Variants in ZFAND3 observed in about 807,000 individuals in gnomAD.
The protein encoded by ZFAND3 is zinc finger AN1-type containing 3.
Under a neutral mutation model 29.6 loss-of-function variants are expected in ZFAND3, and 10 were observed. That is an observed-to-expected ratio of 0.34 (90% CI 0.21 to 0.57). ZFAND3 has a LOEUF of 0.57. ZFAND3 is among the 20% of genes least tolerant of loss of function. The pLI is 0.86. For missense variants in ZFAND3, 230 were observed against 304.5 expected (o/e 0.76, Z 1.82); for synonymous variants, 128 against 112.6 (o/e 1.14, Z -0.87).
At chr6:37,863,264 A>G (rs188166749) in intron 1 of ZFAND3, among the ~76,000 whole-genome samples, 34 of 152,386 alleles carry the variant, frequency 2.2e-4, no homozygotes, top group Admixed American at 2.2e-3. Flanking sequence ...CCCACATTCC[A>G]CATCAAGTGG....
At chr6:38,008,946 T>C (rs915545339) in intron 2 of ZFAND3, among the ~76,000 whole-genome samples, 1 of 152,226 alleles carries the variant, frequency 6.6e-6, no homozygotes, top group African/African-American at 2.4e-5. Flanking sequence ...AGGGTTTAAT[T>C]AATCCTTTGG....
intron 1 of ZFAND3, among the ~76,000 whole-genome samples, chr6:37,881,108 A>G (rs867076386): frequency 2.0e-5 from 3 of 151,564 alleles, no homozygotes; most frequent in Admixed American, 6.6e-5. Flanking sequence ...GTCTTGCTCT[A>G]TTGCCCAGGC....
intron 2 of ZFAND3, among the ~76,000 whole-genome samples, chr6:38,027,556 T>A (rs895749091): frequency 6.6e-6 from 1 of 152,224 alleles, no homozygotes; most frequent in African/African-American, 2.4e-5. Flanking sequence ...ATGAATGTAC[T>A]AAGGCTTGAA....
intron 5 of ZFAND3, 48 bp downstream of exon 5, chr6:38,116,787 T>G: frequency 6.4e-7 from 1 of 1,573,436 alleles, no homozygotes; most frequent in Non-Finnish European, 8.6e-7. Flanking sequence ...CCTTAACACC[T>G]TGGCCCAGCT....
At chr6:38,116,284 C>T (rs1207918848) in intron 4 of ZFAND3, among the ~76,000 whole-genome samples, 2 of 152,324 alleles carry the variant, frequency 1.3e-5, no homozygotes, top group East Asian at 1.9e-4. Flanking sequence ...ATGGTCTCCT[C>T]ATAGAATCTC....
At position 38,129,286 on chromosome 6, in the gene ZFAND3, A is replaced by G. The variant is rs562474068; in HGVS notation, c.529+12547A>G. Among the ~76,000 whole-genome samples the G allele has an allele frequency of 7.2e-5, 11 of 152,230 alleles. No homozygotes were observed. The South Asian group carries it at 1.9e-3, about 26-fold the overall frequency. ...CCACTCTGTGGGTTGTCTGTTTACT[A>G]TGGTGACTGTTCCTTTTGCTGTGCA... is the stretch of plus-strand genomic sequence containing the variant. On this transcript the variant is annotated intron_variant, in intron 5 of 5. Coordinates refer to ENST00000287218, the MANE Select transcript of ZFAND3 (RefSeq NM_021943.3).
intron 2 of ZFAND3, among the ~76,000 whole-genome samples, chr6:37,970,502 T>C (rs192011047): frequency 6.6e-6 from 1 of 152,322 alleles, no homozygotes; most frequent in Admixed American, 6.5e-5. Flanking sequence ...CCTGGTGTCC[T>C]AGCACTAAGG....
chr6:37,896,312 C>T (rs1013105033), intron 1 of ZFAND3, among the ~76,000 whole-genome samples: 1 of 151,882 alleles, frequency 6.6e-6, no homozygotes, highest in East Asian at 1.9e-4. Flanking sequence ...ATTGGATGCT[C>T]AAGTTTTTTT....
intron 1 of ZFAND3, among the ~76,000 whole-genome samples, chr6:37,875,471 AT>A (rs201285954): frequency 7.9e-4 from 116 of 147,428 alleles, no homozygotes; most frequent in Non-Finnish European, 9.2e-4. Context: ...AAAGTAAATG[AT>A]TTTTTTTTTT....
chr6:38,054,093 G>A (rs1295311784), intron 2 of ZFAND3, among the ~76,000 whole-genome samples: 1 of 151,530 alleles, frequency 6.6e-6, no homozygotes, highest in African/African-American at 2.4e-5. Context: ...TATTTGAAAG[G>A]ACATAGGCTG....
chr6:37,885,400 C>G (rs1353025229), intron 1 of ZFAND3, among the ~76,000 whole-genome samples: 2 of 152,180 alleles, frequency 1.3e-5, no homozygotes, highest in Non-Finnish European at 2.9e-5. Flanking sequence ...TCCCAGCACT[C>G]TGGGGGGCTG....
intron 5 of ZFAND3, among the ~76,000 whole-genome samples, chr6:38,120,320 C>CTTTTTTTTTTTTTTTTTTTTTTTTTTTT (rs70981523): frequency 1.6e-4 from 10 of 60,734 alleles, no homozygotes; most frequent in Non-Finnish European, 2.2e-4. Context: ...GCTTGGCTTC[C>CTTTTTTTTTTTTTTTTTTTTTTTTTTTT]TTTTTTTTTT....
At chr6:38,057,570 A>T (rs986183650) in intron 2 of ZFAND3, among the ~76,000 whole-genome samples, 40 of 152,050 alleles carry the variant, frequency 2.6e-4, no homozygotes, top group African/African-American at 9.4e-4. Context: ...ATAAATAACC[A>T]CCTCCCTTTG....
At chr6:38,074,485 A>AT (rs2127468205) in intron 3 of ZFAND3, among the ~76,000 whole-genome samples, 1 of 152,280 alleles carries the variant, frequency 6.6e-6, no homozygotes. Context: ...CAAGACAGAA[A>AT]ATACTAGCAT....
At chr6:37,973,245 T>A (rs1277930070) in intron 2 of ZFAND3, among the ~76,000 whole-genome samples, 6 of 152,144 alleles carry the variant, frequency 3.9e-5, no homozygotes. Context: ...AAAGGAAATT[T>A]TATGGGATTA....
intron 4 of ZFAND3, among the ~76,000 whole-genome samples, chr6:38,113,317 T>C (rs1373580278): frequency 6.6e-6 from 1 of 152,216 alleles, no homozygotes; most frequent in Admixed American, 6.5e-5. Context: ...TAGGGCTTAA[T>C]GGTGTTCTTT....
chr6:37,836,098 C>T (rs1271505276), intron 1 of ZFAND3, among the ~76,000 whole-genome samples: 1 of 151,964 alleles, frequency 6.6e-6, no homozygotes, highest in Admixed American at 6.5e-5. Flanking sequence ...TAACTGAAGC[C>T]AAGGGAGCAG....
At chr6:37,865,714 T>C (rs1298817148) in intron 1 of ZFAND3, among the ~76,000 whole-genome samples, 1 of 152,132 alleles carries the variant, frequency 6.6e-6, no homozygotes. Flanking sequence ...CGAAGGACAG[T>C]TGTGTTATAG....
chr6:38,025,278 T>C (rs1237930796), intron 2 of ZFAND3, among the ~76,000 whole-genome samples: 1 of 152,232 alleles, frequency 6.6e-6, no homozygotes, highest in Non-Finnish European at 1.5e-5. Flanking sequence ...CAAAGGTCTT[T>C]TTTTAGTCAC....
Sources: gnomAD v4.1 joint callset for allele counts (sites outside exome capture counted in the v4.1 genomes callset) on GRCh38, gnomAD v4.1.1 for gene constraint, MANE v1.5 for transcripts, NCBI Gene and HGNC (gene_info 2026-07-23, HGNC 2026-07-21) for gene names.